The following CLASP1 variants were observed in gnomAD, a reference collection of about 807,000 sequenced individuals.
CLASP1 encodes CLIP-associating protein 1.
Under a neutral mutation model 192.3 loss-of-function variants are expected in CLASP1, and 38 were observed. The observed-to-expected ratio is 0.20, with a 90% CI of 0.15 to 0.26. CLASP1 has a LOEUF of 0.26. Ranked by LOEUF, CLASP1 falls within the 10% of genes least tolerant of loss-of-function variation. The pLI is 1.00. For missense variants in CLASP1, 1,433 were observed against 1,932.5 expected (o/e 0.74, Z 4.85); for synonymous variants, 691 against 712.8 (o/e 0.97, Z 0.49).
intron 1 of CLASP1, among the ~76,000 whole-genome samples, chr2:121,647,151 G>GCCTGGCCAACATAGT (rs2073328366): frequency 1.3e-5 from 2 of 151,890 alleles, no homozygotes; most frequent in Non-Finnish European, 2.9e-5. Flanking sequence ...GCTGATCACA[G>GCCTGGCCAACATAGT]GAGGTCAGGA....
chr2:121,593,895 G>A (rs569548667), intron 2 of CLASP1, among the ~76,000 whole-genome samples: 1 of 152,000 alleles, frequency 6.6e-6, no homozygotes, highest in African/African-American at 2.4e-5. Flanking sequence ...TGTGATCCCA[G>A]CTACTTGGGA....
chr2:121,558,250 A>G (rs182482799), intron 2 of CLASP1, among the ~76,000 whole-genome samples: 2 of 152,334 alleles, frequency 1.3e-5, no homozygotes, highest in East Asian at 3.9e-4. Context: ...CCGTAGCCCA[A>G]TGGACTGGCC....
chr2:121,536,283 A>G (rs575363444), intron 2 of CLASP1, among the ~76,000 whole-genome samples: 1 of 143,024 alleles, frequency 7.0e-6, no homozygotes. Context: ...CGGGAGGCTG[A>G]GGCAGGAGAA....
intron 8 of CLASP1, among the ~76,000 whole-genome samples, chr2:121,478,830 CCA>C (rs2092149829): frequency 1.7e-5 from 1 of 59,786 alleles, no homozygotes; most frequent in Non-Finnish European, 3.2e-5. Flanking sequence ...CAACCACACA[CCA>C]CACACCACAC....
chr2:121,648,166 T>C (rs2073523215), intron 1 of CLASP1, among the ~76,000 whole-genome samples: 1 of 152,242 alleles, frequency 6.6e-6, no homozygotes, highest in South Asian at 2.1e-4. Context: ...CCAGGATCCC[T>C]CATATCGAGA....
At chr2:121,519,699 T>G (rs1575615844) in intron 6 of CLASP1, among the ~76,000 whole-genome samples, 1 of 152,338 alleles carries the variant, frequency 6.6e-6, no homozygotes, top group African/African-American at 2.4e-5. Context: ...AACCAACATC[T>G]TTATCCTTTA....
chr2:121,398,457 A>G, intron 28 of CLASP1, 57 bp from the exon 30 acceptor site: 1 of 1,167,966 alleles, frequency 8.6e-7, no homozygotes, highest in Non-Finnish European at 1.2e-6. Context: ...AAAACAATGT[A>G]AAACTATTTA....
At chr2:121,528,370 C>A (rs1336530521) in intron 4 of CLASP1, among the ~76,000 whole-genome samples, 1 of 152,236 alleles carries the variant, frequency 6.6e-6, no homozygotes, top group East Asian at 1.9e-4. Flanking sequence ...GACACCACAG[C>A]TCCCTCTTTT....
At chr2:121,356,547 T>C (rs2065424263) in intron 37 of CLASP1, among the ~76,000 whole-genome samples, 1 of 152,242 alleles carries the variant, frequency 6.6e-6, no homozygotes, top group Admixed American at 6.5e-5. Flanking sequence ...GGTAAATTTC[T>C]TCACTTTCTA....
At chr2:121,465,479 C>T (rs1444594505) in intron 9 of CLASP1, among the ~76,000 whole-genome samples, 1 of 152,098 alleles carries the variant, frequency 6.6e-6, no homozygotes, top group Non-Finnish European at 1.5e-5. Flanking sequence ...TGAAGGACCT[C>T]TTTAAGGAGA....
chr2:121,470,294 T>C (rs1404436759), intron 8 of CLASP1: 3 of 91,316 alleles, frequency 3.3e-5, no homozygotes, highest in Non-Finnish European at 4.3e-5. Flanking sequence ...CCATCCATGC[T>C]TTTTTTTTTT....
At chr2:121,346,607 T>C (rs1378879568) in intron 39 of CLASP1, among the ~76,000 whole-genome samples, 2 of 152,232 alleles carry the variant, frequency 1.3e-5, no homozygotes, top group African/African-American at 4.8e-5. Context: ...AGTCAACGCA[T>C]GCAAAGTGCG....
chr2:121,529,881 G>A (rs982230362), intron 3 of CLASP1, among the ~76,000 whole-genome samples: 1 of 152,212 alleles, frequency 6.6e-6, no homozygotes, highest in African/African-American at 2.4e-5. Context: ...AAGAGTGACA[G>A]CTAATTTAGC....
intron 2 of CLASP1, among the ~76,000 whole-genome samples, chr2:121,599,350 G>A (rs1164098169): frequency 2.0e-5 from 3 of 149,944 alleles, no homozygotes; most frequent in African/African-American, 7.3e-5. Context: ...AGCACTTTGA[G>A]AGGCCGAGGC....
At chr2:121,504,224 C>T (rs1257730997) in intron 7 of CLASP1, among the ~76,000 whole-genome samples, 2 of 140,792 alleles carry the variant, frequency 1.4e-5, no homozygotes, top group Admixed American at 1.4e-4. Context: ...AAGAGCGAAA[C>T]TCCGTCTCAA....
chr2:121,546,181 A>G (rs1327875043), intron 2 of CLASP1, among the ~76,000 whole-genome samples: 3 of 152,158 alleles, frequency 2.0e-5, no homozygotes, highest in African/African-American at 7.2e-5. Flanking sequence ...CAGAAAAAGT[A>G]AAAACAAGGA....
chr2:121,483,550 G>A (rs573538426), intron 8 of CLASP1, among the ~76,000 whole-genome samples: 5 of 150,996 alleles, frequency 3.3e-5, no homozygotes, highest in East Asian at 3.9e-4. Context: ...GTATATATGT[G>A]TGTGTATATA....
At chr2:121,590,017 G>C (rs77072542) in intron 2 of CLASP1, among the ~76,000 whole-genome samples, 2,088 of 152,162 alleles carry the variant, frequency 0.014, 43 homozygotes, top group African/African-American at 0.047. Context: ...AAGGGGAAAT[G>C]AGATCAACAA....
chr2:121,601,369 T>G (rs1393192557), intron 2 of CLASP1, among the ~76,000 whole-genome samples: 1 of 150,832 alleles, frequency 6.6e-6, no homozygotes, highest in East Asian at 1.9e-4. Flanking sequence ...GCCTTCCGGG[T>G]TGAAGCAATT....
Sources: allele counts gnomAD v4.1 joint callset (sites outside exome capture counted in the v4.1 genomes callset), GRCh38; gene constraint gnomAD v4.1.1; transcripts MANE v1.5; gene names NCBI Gene and HGNC (gene_info 2026-07-23, HGNC 2026-07-21).